The following CPNE5 variants were observed in gnomAD, a reference collection of about 807,000 sequenced individuals.
CPNE5 encodes the protein copine-5.
Under a neutral mutation model 81.1 loss-of-function variants are expected in CPNE5, and 42 were observed. That is an observed-to-expected ratio of 0.52 (90% CI 0.40 to 0.67). The LOEUF (loss-of-function observed/expected upper bound fraction) is 0.67. CPNE5 is among the 30% of genes least tolerant of loss of function. The probability of loss-of-function intolerance (pLI) is 0.00; values close to 1 mark genes in which losing one functional copy is unlikely to be tolerated. For synonymous variants in CPNE5, 313 were observed against 321.5 expected (o/e 0.97, Z 0.28); for missense variants, 612 against 815.5 (o/e 0.75, Z 3.04).
At chr6:36,751,998 T>C (rs965085069) in intron 14 of CPNE5, among the ~76,000 whole-genome samples, 1 of 151,536 alleles carries the variant, frequency 6.6e-6, no homozygotes, top group East Asian at 1.9e-4. Context: ...GCAGAGGAGC[T>C]CCTGAGTGAC....
chr6:36,801,924 A>C (rs1039379243), intron 3 of CPNE5, among the ~76,000 whole-genome samples: 1 of 152,168 alleles, frequency 6.6e-6, no homozygotes, highest in Admixed American at 6.5e-5. Flanking sequence ...GTACACTTAA[A>C]AATGGTTATG....
intron 8 of CPNE5, among the ~76,000 whole-genome samples, chr6:36,785,063 A>T (rs754051054): frequency 3.0e-4 from 46 of 152,166 alleles, no homozygotes; most frequent in Non-Finnish European, 5.4e-4. Flanking sequence ...TCTGTCTTTC[A>T]CCCTATCTTT....
chr6:36,745,446 G>T lies in CPNE5; in HGVS notation c.1270C>A (p.Arg424Ser), dbSNP rs142529265. 2 of 1,604,238 alleles carry T rather than the reference G, an allele frequency of 1.2e-6. No homozygotes were observed. ...GTGGGGCCGTACAGCTGCACAGTGCGCAGGCTGCGGTGGTAGGCCTCCAGG... is the reference window on the plus strand; with the variant it reads ...GTGGGGCCGTACAGCTGCACAGTGCTCAGGCTGCGGTGGTAGGCCTCCAGG... ...GILEAYHRSL[R>S]TVQLYGPTNF... The change falls in exon 17 of 21, where the codon CGC (arginine) becomes AGC (serine). Residue 424 changes from arginine (R) to serine (S), a missense_variant. Coordinates refer to ENST00000244751, the MANE Select transcript of CPNE5 (RefSeq NM_020939.2).
rs761244563 is a variant in CPNE5, at chr6:36,742,235, C to T, written c.*33G>A. On this transcript the variant is annotated 3_prime_UTR_variant, in exon 21 of 21. Transcript: ENST00000244751. ...GGCCTCCCATTCACCTGGCCTCTCC[C>T]AGGCCCCAGCCACCTGCCTGCTGAG... is the stretch of plus-strand genomic sequence containing the variant. 2.7e-6 allele frequency: 4 copies of T among 1,500,382 alleles called. No homozygotes were observed. Among genetic ancestry groups the T allele is most frequent in the Non-Finnish European group, 3.6e-6 (4 of 1,108,018 alleles). The allele number at this position is 1,500,382 out of a possible 1,614,324, so 92.9% of individuals were successfully genotyped here.
At position 36,743,119 on chromosome 6, in the gene CPNE5, G is replaced by T. The variant is rs551118351; in HGVS notation, c.1563+570C>A. 1.7e-4 allele frequency: 169 copies of T among 985,460 alleles called. No homozygotes were observed. The African/African-American group carries it at 2.8e-3, about 16-fold the overall frequency. The allele number at this position is 985,460 out of a possible 1,614,324, so 61.0% of individuals were successfully genotyped here. A position where few individuals can be genotyped will look rare whatever the true frequency, so the allele number is the denominator to read the frequency against. ...CCCAATTTTTAAACCAAGGGGGTAT[G>T]CAGGATGTCAGCTTTGTCTTCTGCA... On this transcript the variant is annotated intron_variant, in intron 20 of 20. Transcript: ENST00000244751.
chr6:36,770,178 T>C (rs1766931559), intron 10 of CPNE5, among the ~76,000 whole-genome samples: 1 of 152,124 alleles, frequency 6.6e-6, no homozygotes, highest in African/African-American at 2.4e-5. Flanking sequence ...CTCAGCTAGG[T>C]CACTCAGGTT....
intron 10 of CPNE5, among the ~76,000 whole-genome samples, chr6:36,771,790 C>G (rs902381854): frequency 6.6e-6 from 1 of 151,680 alleles, no homozygotes; most frequent in Non-Finnish European, 1.5e-5. Flanking sequence ...ATACTGGCAC[C>G]TCCTGAGTGT....
Position 36,740,977 on chromosome 6 carries a change from T to G in CPNE5, c.*1291A>C, listed in dbSNP as rs1227917926. ...AGGAGCTCCATGCGGCAACAGGGAT[T>G]GGCATGCATGATCTGCTCCCCGAGT... is the stretch of plus-strand genomic sequence containing the variant. On this transcript the variant is annotated 3_prime_UTR_variant, in exon 21 of 21. Coordinates refer to ENST00000244751, the MANE Select transcript of CPNE5 (RefSeq NM_020939.2). 6.6e-6 allele frequency: 1 copy of G among 152,382 alleles called. No individual in the cohort carries two copies. The highest frequency in any genetic ancestry group is 2.4e-5 in the African/African-American group (1 of 41,446). 9.4% of individuals were successfully genotyped at this position (152,382 alleles called of 1,614,324 possible). A position where few individuals can be genotyped will look rare whatever the true frequency, so the allele number is the denominator to read the frequency against.
At chr6:36,824,504 G>T (rs115510238) in intron 1 of CPNE5, among the ~76,000 whole-genome samples, 4 of 152,090 alleles carry the variant, frequency 2.6e-5, no homozygotes, top group African/African-American at 9.7e-5. Flanking sequence ...GCCTTGTCCC[G>T]CCTCCCTTCC....
At chr6:36,815,807 C>A (rs1771492865) in intron 3 of CPNE5, among the ~76,000 whole-genome samples, 1 of 152,220 alleles carries the variant, frequency 6.6e-6, no homozygotes, top group Non-Finnish European at 1.5e-5. Flanking sequence ...AAAAAAGAGA[C>A]TGAGTGCTTT....
intron 14 of CPNE5, among the ~76,000 whole-genome samples, chr6:36,748,700 A>T (rs1393295162): frequency 1.3e-5 from 2 of 152,228 alleles, no homozygotes; most frequent in East Asian, 3.8e-4. Context: ...TAAAGAAAGA[A>T]TAGAATACCA....
intron 3 of CPNE5, among the ~76,000 whole-genome samples, chr6:36,815,912 T>C (rs1196636135): frequency 1.3e-5 from 2 of 152,206 alleles, no homozygotes; most frequent in Non-Finnish European, 2.9e-5. Context: ...TCCCATTTCT[T>C]TTCCAAGAGG....
intron 1 of CPNE5, among the ~76,000 whole-genome samples, chr6:36,823,637 G>A (rs1339911469): frequency 2.0e-5 from 3 of 152,128 alleles, no homozygotes; most frequent in African/African-American, 2.4e-5. Flanking sequence ...GTCAAGACCA[G>A]GGCTAACACA....
chr6:36,811,357 T>C (rs1010551229), intron 3 of CPNE5, among the ~76,000 whole-genome samples: 14 of 152,210 alleles, frequency 9.2e-5, no homozygotes, highest in Non-Finnish European at 1.5e-4. Context: ...AGATAAAGCA[T>C]TGGTTTCTTA....
intron 10 of CPNE5, 117 bp downstream of exon 10, chr6:36,774,844 A>G (rs1361866876): frequency 1.3e-6 from 1 of 763,000 alleles, no homozygotes; most frequent in African/African-American, 1.7e-5. Flanking sequence ...CAACTCCAGA[A>G]GGCCTCATTT....
intron 1 of CPNE5, among the ~76,000 whole-genome samples, chr6:36,832,908 C>T (rs928399522): frequency 3.3e-5 from 5 of 152,124 alleles, no homozygotes; most frequent in Non-Finnish European, 7.4e-5. Flanking sequence ...AAACTACTAC[C>T]GTGCGGTCTG....
chr6:36,760,607 G>A (rs1765929524), intron 12 of CPNE5, among the ~76,000 whole-genome samples: 1 of 152,194 alleles, frequency 6.6e-6, no homozygotes, highest in Non-Finnish European at 1.5e-5. Flanking sequence ...TTTGCTCGTG[G>A]ACTGGATATG....
intron 12 of CPNE5, among the ~76,000 whole-genome samples, chr6:36,756,980 T>A (rs772501454): frequency 8.5e-5 from 13 of 152,136 alleles, no homozygotes; most frequent in Admixed American, 2.0e-4. Flanking sequence ...TGGAGACGGT[T>A]TTGGTTTCCA....
chr6:36,746,551 G>T lies in CPNE5; in HGVS notation c.1045C>A (p.His349Asn). Residue 349 changes from histidine (H) to asparagine (N), a missense_variant, in exon 16 of 21, where the codon CAC becomes AAC. His to Asn is a moderately conservative substitution (Grantham distance 68). Transcript: ENST00000244751. The surrounding 1 kb of genome is among the most constrained non-coding windows in gnomAD (Gnocchi z 4.5). ...NGNPSQSTSL[H>N]YMSPYQLNAY... ...TTCAGCTGGTAGGGGCTCATGTAGTGCAGGGATGTGGACTGTGAGGGGTTC... is the reference window on the plus strand; with the variant it reads ...TTCAGCTGGTAGGGGCTCATGTAGTTCAGGGATGTGGACTGTGAGGGGTTC... 6.2e-7 allele frequency: 1 copy of T among 1,613,450 alleles called. No homozygotes were observed. Among genetic ancestry groups the T allele is most frequent in the Non-Finnish European group, 8.5e-7 (1 of 1,179,618 alleles).
Sources: allele counts gnomAD v4.1 joint callset (sites outside exome capture counted in the v4.1 genomes callset), GRCh38; gene constraint gnomAD v4.1.1; non-coding constraint Gnocchi (gnomAD v3.1); transcripts MANE v1.5; gene names NCBI Gene and HGNC (gene_info 2026-07-23, HGNC 2026-07-21).